The following ZBBX variants were observed in gnomAD, a reference collection of about 807,000 sequenced individuals.
ZBBX encodes the protein zinc finger B-box domain-containing protein 1.
In ZBBX, 101 loss-of-function variants were observed where a neutral mutation model predicts 108.5. The observed-to-expected ratio is 0.93, with a 90% CI of 0.79 to 1.10. The LOEUF is 1.10. ZBBX is among the 50% of genes least tolerant of loss of function. The pLI is 0.00. For missense variants in ZBBX, 1,009 were observed against 941.4 expected (o/e 1.07, Z -0.94); for synonymous variants, 356 against 323.4 (o/e 1.10, Z -1.08).
intron 7 of ZBBX, 61 bp from the exon 8 acceptor site, chr3:167,360,040 ATAAAT>A: frequency 3.0e-6 from 3 of 990,080 alleles, no homozygotes; most frequent in Non-Finnish European, 4.3e-6. Context: ...TTTCCAATTG[ATAAAT>A]TAATGAAACT....
the ZBBX span, among the ~76,000 whole-genome samples, chr3:167,199,650 A>G: frequency 6.6e-6 from 1 of 152,176 alleles, no homozygotes; most frequent in African/African-American, 2.4e-5. Context: ...TCAAAAAGCT[A>G]TCTCCTCCCA....
chr3:167,251,931 C>CAG (rs1722692858), intron 20 of ZBBX, among the ~76,000 whole-genome samples: 1 of 148,184 alleles, frequency 6.7e-6, no homozygotes, highest in Non-Finnish European at 1.5e-5. Flanking sequence ...CTGCAACACA[C>CAG]ACACACACAC....
At chr3:167,231,199 A>T in the ZBBX span, among the ~76,000 whole-genome samples, 1 of 151,866 alleles carries the variant, frequency 6.6e-6, no homozygotes, top group Non-Finnish European at 1.5e-5. Flanking sequence ...AGGTGAAATT[A>T]TACATTAGAG....
intron 16 of ZBBX, among the ~76,000 whole-genome samples, 179 bp from the exon 17 acceptor site, chr3:167,306,129 A>G (rs1404694679): frequency 6.6e-6 from 1 of 152,192 alleles, no homozygotes; most frequent in Non-Finnish European, 1.5e-5. Context: ...ATAAGTGGTA[A>G]TCATAATTCA....
chr3:167,322,432 T>C lies in ZBBX; in HGVS notation c.863-195A>G, dbSNP rs907501426. On this transcript the variant is annotated intron_variant, in intron 11 of 21. Transcript: ENST00000675490. ...TTTATTAAGGGACTGGATAGACAGT[T>C]TTCTTCAACAATCTCTTGAAATGAA... Among the ~76,000 whole-genome samples, 4 of 152,048 alleles carry C rather than the reference T, an allele frequency of 2.6e-5. No individual in the cohort carries two copies. The East Asian group carries it at 7.7e-4, about 29-fold the overall frequency.
intron 9 of ZBBX, among the ~76,000 whole-genome samples, chr3:167,335,502 T>C (rs1577029892): frequency 6.6e-6 from 1 of 151,936 alleles, no homozygotes; most frequent in Non-Finnish European, 1.5e-5. Flanking sequence ...CTGTGAGAAC[T>C]TGGCATGAGG....
chr3:167,303,916 C>T (rs1733149559), intron 17 of ZBBX, among the ~76,000 whole-genome samples: 1 of 152,118 alleles, frequency 6.6e-6, no homozygotes, highest in Non-Finnish European at 1.5e-5. Flanking sequence ...ATATTACTAA[C>T]TCTTCATATG....
chr3:167,344,290 A>G (rs1457409750), intron 9 of ZBBX, among the ~76,000 whole-genome samples: 1 of 151,872 alleles, frequency 6.6e-6, no homozygotes, highest in African/African-American at 2.4e-5. Flanking sequence ...CAATTATGCT[A>G]ATAGTTTCAC....
chr3:167,274,866 G>C (rs1727217699), intron 20 of ZBBX, among the ~76,000 whole-genome samples: 1 of 152,120 alleles, frequency 6.6e-6, no homozygotes, highest in Non-Finnish European at 1.5e-5. Context: ...TCGCGTTAAG[G>C]ATATAAAAAC....
chr3:167,388,595 G>A (rs1459122440), intron 1 of ZBBX, among the ~76,000 whole-genome samples: 1 of 152,016 alleles, frequency 6.6e-6, no homozygotes, highest in Non-Finnish European at 1.5e-5. Flanking sequence ...ATCCGACATA[G>A]CAATAGATTA....
chr3:167,227,538 G>C, the ZBBX span, among the ~76,000 whole-genome samples: 1 of 151,438 alleles, frequency 6.6e-6, no homozygotes, highest in Non-Finnish European at 1.5e-5. Flanking sequence ...AGTCCATCTT[G>C]GTCTTACTCA....
At position 167,313,983 on chromosome 3, in the gene ZBBX, T is replaced by C; in HGVS notation, c.1408A>G (p.Asn470Asp). ...ACAAGAAAAATGTTACCTTTTGAAT[T>C]ATCTTTATAATAAGTAGAGCTGTTT... ...LRNSSTYYKDNSKAETSNTDF... is the reference protein window; with the variant it reads ...LRNSSTYYKDDSKAETSNTDF... Residue 470 changes from asparagine to aspartate, a missense_variant, in exon 16 of 22, where the codon AAT (asparagine) becomes GAT (aspartate). Physicochemically the swap from Asn to Asp is conservative, Grantham distance 23. Transcript: ENST00000675490. 6.3e-7 allele frequency: 1 copy of C among 1,582,218 alleles called. No individual in the cohort carries two copies. The highest frequency in any genetic ancestry group is 8.6e-7 in the Non-Finnish European group (1 of 1,167,220).
At chr3:167,292,259 C>T (rs11927928) in intron 18 of ZBBX, among the ~76,000 whole-genome samples, 73,988 of 151,924 alleles carry the variant, frequency 0.49, 18,651 homozygotes, top group African/African-American at 0.62. Flanking sequence ...TACATTCTTC[C>T]CAGCATCACA....
intron 20 of ZBBX, among the ~76,000 whole-genome samples, 154 bp from the exon 21 acceptor site, chr3:167,242,797 A>G (rs1720907173): frequency 6.6e-6 from 1 of 152,184 alleles, no homozygotes; most frequent in Non-Finnish European, 1.5e-5. Flanking sequence ...AATGTTTGTG[A>G]GGTAAGTTTG....
At chr3:167,376,712 G>A (rs1196965212) in intron 2 of ZBBX, among the ~76,000 whole-genome samples, 4 of 152,186 alleles carry the variant, frequency 2.6e-5, no homozygotes, top group African/African-American at 7.2e-5. Context: ...CTTATTCAAG[G>A]GGGATTTCAC....
At chr3:167,215,240 A>T in the ZBBX span, among the ~76,000 whole-genome samples, 2 of 152,014 alleles carry the variant, frequency 1.3e-5, no homozygotes, top group African/African-American at 4.8e-5. Context: ...AGCTAGATTA[A>T]TTAAAAATAA....
rs1161309825 is a variant in ZBBX, at chr3:167,240,637, C to T, written c.*156G>A. ...ATCATTGGAAGAATAAGCCCTTGAA[C>T]TTATAATTTTACTTTTATTAGTTTG... On this transcript the variant is annotated 3_prime_UTR_variant, in exon 22 of 22. Transcript: ENST00000675490. The T allele has an allele frequency of 2.6e-6, 2 of 771,532 alleles. No homozygotes were observed. The highest frequency in any genetic ancestry group is 3.0e-5 in the East Asian group (1 of 33,572). The allele number at this position is 771,532 out of a possible 1,614,324, so 47.8% of individuals were successfully genotyped here. A position where few individuals can be genotyped will look rare whatever the true frequency, so the allele number is the denominator to read the frequency against.
At chr3:167,289,489 G>A (rs1460901185) in intron 18 of ZBBX, among the ~76,000 whole-genome samples, 1 of 152,192 alleles carries the variant, frequency 6.6e-6, no homozygotes, top group African/African-American at 2.4e-5. Context: ...AGGGTGTGGT[G>A]TCACCTTACC....
intron 10 of ZBBX, among the ~76,000 whole-genome samples, chr3:167,330,777 A>C (rs1455304455): frequency 1.0e-5 from 1 of 96,574 alleles, no homozygotes; most frequent in Non-Finnish European, 2.1e-5. Flanking sequence ...GAAAAGAAGA[A>C]AAGGAGAAGA....
Sources: gnomAD v4.1 joint callset for allele counts (sites outside exome capture counted in the v4.1 genomes callset) on GRCh38, gnomAD v4.1.1 for gene constraint, MANE v1.5 for transcripts, NCBI Gene and HGNC (gene_info 2026-07-23, HGNC 2026-07-21) for gene names.